PRMT8: variants seen among roughly 807,000 people sequenced by gnomAD.
PRMT8 encodes protein arginine methyltransferase 8.
Under a neutral mutation model 47.1 loss-of-function variants are expected in PRMT8, and 7 were observed. That is an observed-to-expected ratio of 0.15 (90% CI 0.08 to 0.28). The LOEUF (loss-of-function observed/expected upper bound fraction) is 0.28. Ranked by LOEUF, PRMT8 falls within the 10% of genes least tolerant of loss-of-function variation. PRMT8 has a pLI of 1.00. For synonymous variants in PRMT8, 188 were observed against 186.5 expected (o/e 1.01, Z -0.07); for missense variants, 237 against 505.4 (o/e 0.47, Z 5.09).
intron 1 of PRMT8, among the ~76,000 whole-genome samples, chr12:3,531,169 G>A (rs1266261256): frequency 6.6e-6 from 1 of 151,610 alleles, no homozygotes; most frequent in East Asian, 1.9e-4. Flanking sequence ...TCCAGGCAAG[G>A]TGAGGGTAAG....
chr12:3,523,872 C>T (rs1865916476), intron 1 of PRMT8, among the ~76,000 whole-genome samples: 1 of 152,242 alleles, frequency 6.6e-6, no homozygotes, highest in Non-Finnish European at 1.5e-5. Context: ...CTCCTTCTGC[C>T]TCTCTATGCA....
At chr12:3,517,082 G>A (rs568873524) in intron 1 of PRMT8, among the ~76,000 whole-genome samples, 26 of 152,224 alleles carry the variant, frequency 1.7e-4, no homozygotes, top group South Asian at 2.1e-4. Flanking sequence ...AATAGGCAAC[G>A]TCCAGGAAAA....
rs1453637640 is a variant in PRMT8 at position 3,535,777 on chromosome 12, C to T, written c.76-4829C>T. On this transcript the variant is annotated intron_variant, in intron 1 of 9. Coordinates refer to ENST00000382622, the MANE Select transcript of PRMT8 (RefSeq NM_019854.5). The surrounding 1 kb of genome is among the most constrained non-coding windows in gnomAD (Gnocchi z 4.7). ...GAGGTGAGAAAGCTGCAGCCATGAGCAGACCAAGACGCTGATGTTGAGAGT... is the reference window on the plus strand; with the variant it reads ...GAGGTGAGAAAGCTGCAGCCATGAGTAGACCAAGACGCTGATGTTGAGAGT... Among the ~76,000 whole-genome samples, 1 of 152,182 alleles carries T rather than the reference C, an allele frequency of 6.6e-6. No homozygotes were observed. Among genetic ancestry groups the T allele is most frequent in the African/African-American group, 2.4e-5 (1 of 41,450 alleles).
In PRMT8 at chr12:3,491,321, C is replaced by A; in HGVS notation, c.-305C>A. The A allele has an allele frequency of 9.1e-7, 1 of 1,099,916 alleles. No individual in the cohort carries two copies. The highest frequency in any genetic ancestry group is 1.1e-6 in the Non-Finnish European group (1 of 904,174). The allele number at this position is 1,099,916 out of a possible 1,614,324, so 68.1% of individuals were successfully genotyped here. A position where few individuals can be genotyped will look rare whatever the true frequency, so the allele number is the denominator to read the frequency against. Reference sequence around the variant, plus strand: ...GCCGCCGCCGCCGCCGCGGAGGCTTCGGGGCTGCTTCCCTCGAGCTTAGCC... The same window carrying A: ...GCCGCCGCCGCCGCCGCGGAGGCTTAGGGGCTGCTTCCCTCGAGCTTAGCC... On this transcript the variant is annotated 5_prime_UTR_variant, in exon 1 of 10. Transcript: ENST00000382622.
chr12:3,565,682 A>C (rs988044007), intron 4 of PRMT8, among the ~76,000 whole-genome samples: 9 of 152,186 alleles, frequency 5.9e-5, no homozygotes, highest in South Asian at 2.1e-4. Context: ...GCTATCATCT[A>C]TCTGTCTTCT....
At position 3,476,278 on chromosome 12, in the gene PRMT8, G is replaced by A. The variant is rs193255068; in HGVS notation, c.49-64328G>A. Among the ~76,000 whole-genome samples, 311 of 152,274 alleles carry A rather than the reference G, an allele frequency of 2.0e-3. 6 individuals are homozygous for A. Among genetic ancestry groups the A allele is most frequent in the Non-Finnish European group, 4.3e-4 (29 of 68,026 alleles). On this transcript the variant is annotated intron_variant, in intron 1 of 9. Transcript: ENST00000452611. The stretch of plus-strand genomic sequence containing the variant: ...AAATCTGAGCGTTTGTAACCTTTCC[G>A]CAGAGGTCTTTAAAACAGGGTGAGT...
chr12:3,510,692 C>T (rs1310948860), intron 1 of PRMT8, among the ~76,000 whole-genome samples: 2 of 152,186 alleles, frequency 1.3e-5, no homozygotes, highest in Non-Finnish European at 2.9e-5. Flanking sequence ...AGTGGCTTTT[C>T]TTGGAGGCTT....
In PRMT8 at chr12:3,436,525, G is replaced by A. The variant is rs1216569619; in HGVS notation, c.48+55083G>A. On this transcript the variant is annotated intron_variant, in intron 1 of 9. Coordinates refer to the PRMT8 transcript ENST00000452611. The surrounding 1 kb of genome is among the most constrained non-coding windows in gnomAD (Gnocchi z 4.2). ...GAGCTGCTATTGTCAGCGTGCAGAA[G>A]ATCTCTATTAATAGAGTAAAGATTT... is the stretch of plus-strand genomic sequence containing the variant. 2.6e-5 allele frequency among the ~76,000 whole-genome samples: 4 copies of A among 151,970 alleles called. No homozygotes were observed. Among genetic ancestry groups the A allele is most frequent in the Admixed American group, 2.6e-4 (4 of 15,262 alleles).
intron 1 of PRMT8, among the ~76,000 whole-genome samples, chr12:3,455,680 G>C (rs1481212741): frequency 2.6e-5 from 4 of 152,188 alleles, no homozygotes; most frequent in African/African-American, 9.7e-5. Context: ...GGAATTGGAG[G>C]GTCAGCGGGG....
In PRMT8 at chr12:3,576,152, G is replaced by A. The variant is rs373482257; in HGVS notation, c.713-719G>A. On this transcript the variant is annotated intron_variant, in intron 6 of 9. Transcript: ENST00000382622. This position sits in a 1 kb window ranked among gnomAD's most constrained non-coding sequence, Gnocchi z 4.0. ...GTAGCCCAAAGGGGACAAGGAGCAC[G>A]GCTGACAAGGAGAGGGTTTGTGCTC... is the stretch of plus-strand genomic sequence containing the variant. Among the ~76,000 whole-genome samples the A allele has an allele frequency of 5.7e-4, 87 of 152,310 alleles. No homozygotes were observed. The highest frequency in any genetic ancestry group is 1.8e-3 in the African/African-American group (75 of 41,560).
At chr12:3,387,950 C>T (rs995641605) in intron 1 of PRMT8, among the ~76,000 whole-genome samples, 6 of 152,134 alleles carry the variant, frequency 3.9e-5, no homozygotes, top group Non-Finnish European at 8.8e-5. Context: ...GGAAAGTTAA[C>T]ATTAAAATAA....
chr12:3,519,368 C>T (rs1041801283), intron 1 of PRMT8, among the ~76,000 whole-genome samples: 8 of 151,920 alleles, frequency 5.3e-5, no homozygotes, highest in African/African-American at 1.7e-4. Context: ...TGAGAGGATG[C>T]GGAGAGGTTG....
chr12:3,492,274 C>G lies in PRMT8; in HGVS notation c.75+574C>G, dbSNP rs1213348261. On this transcript the variant is annotated intron_variant, in intron 1 of 9. Coordinates refer to ENST00000382622, the MANE Select transcript of PRMT8 (RefSeq NM_019854.5). The surrounding 1 kb of genome is among the most constrained non-coding windows in gnomAD (Gnocchi z 7.5). ...GAGGACTCGGGCACCTCCTACAGAC[C>G]CTCCGGCCCAGATCTGGGCCAGAGA... Among the ~76,000 whole-genome samples, 1 of 152,042 alleles carries G rather than the reference C, an allele frequency of 6.6e-6. No individual in the cohort carries two copies. Among genetic ancestry groups the G allele is most frequent in the Non-Finnish European group, 1.5e-5 (1 of 67,972 alleles).
At chr12:3,568,552 G>A (rs147984250) in intron 4 of PRMT8, among the ~76,000 whole-genome samples, 154 bp from the exon 5 acceptor site, 4 of 152,312 alleles carry the variant, frequency 2.6e-5, no homozygotes, top group Non-Finnish European at 4.4e-5. Flanking sequence ...AATTATGTTG[G>A]TATAAACTAG....
chr12:3,458,085 C>T (rs1055259738), intron 1 of PRMT8, among the ~76,000 whole-genome samples: 2 of 152,176 alleles, frequency 1.3e-5, no homozygotes, highest in African/African-American at 4.8e-5. Flanking sequence ...TCGTGATCCG[C>T]CCGCCTCGGC....
At chr12:3,426,474 A>C (rs1864605490) in intron 1 of PRMT8, among the ~76,000 whole-genome samples, 1 of 152,190 alleles carries the variant, frequency 6.6e-6, no homozygotes. Flanking sequence ...GTTGATATCG[A>C]GGTCTTTATT....
chr12:3,457,653 C>T (rs1864989114), intron 1 of PRMT8, among the ~76,000 whole-genome samples: 1 of 152,022 alleles, frequency 6.6e-6, no homozygotes, highest in Non-Finnish European at 1.5e-5. Flanking sequence ...TGAGCTCATC[C>T]TTGCTGCATG....
At chr12:3,476,830 A>C (rs993850914) in intron 1 of PRMT8, among the ~76,000 whole-genome samples, 3 of 152,304 alleles carry the variant, frequency 2.0e-5, no homozygotes, top group Admixed American at 2.0e-4. Flanking sequence ...ATGCAGCAAG[A>C]CTGTGAGCTA....
chr12:3,510,257 G>T (rs1242431050), intron 1 of PRMT8, among the ~76,000 whole-genome samples: 1 of 152,040 alleles, frequency 6.6e-6, no homozygotes, highest in Non-Finnish European at 1.5e-5. Context: ...TCCCAGCGTG[G>T]TCCAGGTCCC....
Sources: gnomAD v4.1 joint callset for allele counts (sites outside exome capture counted in the v4.1 genomes callset) on GRCh38, gnomAD v4.1.1 for gene constraint, Gnocchi (gnomAD v3.1) non-coding constraint, MANE v1.5 for transcripts, NCBI Gene and HGNC (gene_info 2026-07-23, HGNC 2026-07-21) for gene names.